PKN2: variants seen among roughly 807,000 people sequenced by gnomAD.
PKN2 encodes protein kinase N2, also known as serine/threonine-protein kinase N2.
A neutral mutation model predicts 119.1 loss-of-function variants in PKN2; 38 were observed. The ratio of observed to expected loss-of-function variants is 0.32; its 90% CI spans 0.25 to 0.42. PKN2 has a LOEUF of 0.42. Ranked by LOEUF, PKN2 falls within the 10% of genes least tolerant of loss-of-function variation. The pLI is 1.00. For synonymous variants in PKN2, 390 were observed against 384.9 expected, an observed-to-expected ratio of 1.01 and a Z score of -0.15; for missense variants, 850 against 1,165.1, an observed-to-expected ratio of 0.73 and a Z score of 3.94.
chr1:88,713,662 T>C (rs1667330706), intron 1 of PKN2, among the ~76,000 whole-genome samples: 1 of 152,228 alleles, frequency 6.6e-6, no homozygotes, highest in Non-Finnish European at 1.5e-5. Flanking sequence ...AAGTTCTTTG[T>C]AGATTCTGGA....
chr1:88,784,599 A>G (rs767762843), intron 6 of PKN2, 40 bp from the exon 7 acceptor site: 14 of 1,266,972 alleles, frequency 1.1e-5, no homozygotes, highest in Admixed American at 2.6e-5. Flanking sequence ...CCATAGATTA[A>G]GGGTTGATGT....
rs541113292 is a variant in PKN2 at position 88,724,098 on chromosome 1, A to G, written c.49-16890A>G. 1.8e-4 allele frequency among the ~76,000 whole-genome samples: 28 copies of G among 152,300 alleles called. 2 individuals are homozygous for G. Among genetic ancestry groups the G allele is most frequent in the South Asian group, 1.2e-3 (6 of 4,824 alleles). On this transcript the variant is annotated intron_variant, in intron 1 of 21. Transcript: ENST00000370521. ...AACTATTTAGTTAAGTTAGATAACT[A>G]TTTAGTTAAGGAAAGCTCAAATCAC...
rs530940217 is a variant in PKN2 at position 88,809,263 on chromosome 1, T to C, written c.2102+1488T>C. Among the ~76,000 whole-genome samples, 17 of 152,224 alleles carry C rather than the reference T, an allele frequency of 1.1e-4. No individual in the cohort carries two copies. In the East Asian group the frequency reaches 3.1e-3, roughly 28 times the overall value. On this transcript the variant is annotated intron_variant, in intron 15 of 21. Coordinates refer to ENST00000370521, the MANE Select transcript of PKN2 (RefSeq NM_006256.4). ...AATATTCTGAGTACCATATTACATG[T>C]TTAGAATTATTTTTATGTTATACAA... is the stretch of plus-strand genomic sequence containing the variant.
chr1:88,702,198 A>G lies in PKN2; in HGVS notation c.48+17570A>G, dbSNP rs1030052059. Among the ~76,000 whole-genome samples, 62 of 152,128 alleles carry G rather than the reference A, an allele frequency of 4.1e-4. 2 individuals carry two copies. Among genetic ancestry groups the G allele is most frequent in the Non-Finnish European group, 8.8e-5 (6 of 68,028 alleles). On this transcript the variant is annotated intron_variant, in intron 1 of 21. Transcript: ENST00000370521. ...GGTCTCGAACTCTTGAGCCCAGGTT[A>G]TCTGCTGTCCTTGGCCTCCCAAAGT...
At chr1:88,745,958 G>A (rs142813524) in intron 2 of PKN2, among the ~76,000 whole-genome samples, 1 of 152,146 alleles carries the variant, frequency 6.6e-6, no homozygotes, top group East Asian at 1.9e-4. Flanking sequence ...TGACAAAGCT[G>A]CCAAGAACAC....
intron 1 of PKN2, among the ~76,000 whole-genome samples, chr1:88,687,981 C>T (rs1666171765): frequency 6.6e-6 from 1 of 152,116 alleles, no homozygotes; most frequent in Non-Finnish European, 1.5e-5. Flanking sequence ...GTGTTATTTC[C>T]ATGTTGTGGA....
At chr1:88,814,761 C>G in intron 16 of PKN2, among the ~76,000 whole-genome samples, 1 of 152,156 alleles carries the variant, frequency 6.6e-6, no homozygotes, top group East Asian at 1.9e-4. Context: ...CAAGTCCAGT[C>G]AACTCCACCT....
chr1:88,731,507 G>A (rs1258641380), intron 1 of PKN2, among the ~76,000 whole-genome samples: 2 of 152,188 alleles, frequency 1.3e-5, no homozygotes, highest in African/African-American at 4.8e-5. Flanking sequence ...GGAGTCAGAA[G>A]GACTAGTAAG....
intron 8 of PKN2, among the ~76,000 whole-genome samples, chr1:88,788,441 T>C (rs1420385112): frequency 7.1e-6 from 1 of 141,162 alleles, no homozygotes; most frequent in Non-Finnish European, 1.5e-5. Flanking sequence ...TAATCCAGGA[T>C]TTTTTTTTTT....
At chr1:88,739,355 A>G (rs1481490720) in intron 1 of PKN2, among the ~76,000 whole-genome samples, 1 of 152,198 alleles carries the variant, frequency 6.6e-6, no homozygotes, top group African/African-American at 2.4e-5. Context: ...CATATTTTGC[A>G]TAATATACCT....
intron 8 of PKN2, among the ~76,000 whole-genome samples, chr1:88,791,116 A>G (rs1670814565): frequency 6.6e-6 from 1 of 152,180 alleles, no homozygotes; most frequent in Non-Finnish European, 1.5e-5. Context: ...GGCTTTCTTA[A>G]GAATGAGACA....
intron 1 of PKN2, among the ~76,000 whole-genome samples, chr1:88,694,819 T>G (rs1448548744): frequency 6.6e-6 from 1 of 152,224 alleles, no homozygotes; most frequent in Non-Finnish European, 1.5e-5. Context: ...TCATGGTATC[T>G]CATTTCTGTT....
chr1:88,719,928 A>C (rs1264869837), intron 1 of PKN2, among the ~76,000 whole-genome samples: 1 of 152,230 alleles, frequency 6.6e-6, no homozygotes, highest in South Asian at 2.1e-4. Context: ...TCTTTGAGGT[A>C]AGAAAAATCT....
chr1:88,745,412 A>G (rs1668733311), intron 2 of PKN2, among the ~76,000 whole-genome samples: 1 of 152,242 alleles, frequency 6.6e-6, no homozygotes, highest in Non-Finnish European at 1.5e-5. Flanking sequence ...AAAGGAATTC[A>G]GTCAAGTTGC....
chr1:88,738,119 C>G (rs1448610984), intron 1 of PKN2, among the ~76,000 whole-genome samples: 1 of 151,512 alleles, frequency 6.6e-6, no homozygotes, highest in Non-Finnish European at 1.5e-5. Context: ...GCAGGTTTTC[C>G]TTAATTGTAA....
intron 1 of PKN2, among the ~76,000 whole-genome samples, chr1:88,720,059 G>A (rs928350619): frequency 1.3e-5 from 2 of 152,040 alleles, no homozygotes; most frequent in Non-Finnish European, 2.9e-5. Flanking sequence ...TTAAGACAAG[G>A]TCTCACTCTG....
intron 8 of PKN2, among the ~76,000 whole-genome samples, chr1:88,792,405 AAAATAAAT>A (rs560143650): frequency 1.3e-5 from 2 of 151,992 alleles, no homozygotes; most frequent in Admixed American, 6.6e-5. Context: ...TCCGTCTCAA[AAAATAAAT>A]AAATAAATAA....
At chr1:88,687,293 T>C (rs1422989895) in intron 1 of PKN2, among the ~76,000 whole-genome samples, 8 of 152,162 alleles carry the variant, frequency 5.3e-5, no homozygotes, top group Non-Finnish European at 1.5e-5. Context: ...ATGTAAACTT[T>C]GGTGGCTAGA....
At chr1:88,756,493 T>G (rs1330479879) in intron 2 of PKN2, among the ~76,000 whole-genome samples, 3 of 152,202 alleles carry the variant, frequency 2.0e-5, no homozygotes, top group African/African-American at 7.2e-5. Flanking sequence ...TCATTTATCC[T>G]TCTCATCCTA....
Sources: allele counts gnomAD v4.1 joint callset (sites outside exome capture counted in the v4.1 genomes callset), GRCh38; gene constraint gnomAD v4.1.1; transcripts MANE v1.5; gene names NCBI Gene and HGNC (gene_info 2026-07-23, HGNC 2026-07-21).